The following ZNF516 variants were observed in gnomAD, a reference collection of about 807,000 sequenced individuals.
ZNF516 encodes zinc finger protein 516.
Under a neutral mutation model 79.7 loss-of-function variants are expected in ZNF516, and 19 were observed. The ratio of observed to expected loss-of-function variants is 0.24; its 90% CI spans 0.17 to 0.35. The LOEUF (loss-of-function observed/expected upper bound fraction) is 0.35. Ranked by LOEUF, ZNF516 falls within the 10% of genes least tolerant of loss-of-function variation. The pLI is 1.00. For missense variants in ZNF516, 1,678 were observed against 1,679.5 expected (o/e 1.00, Z 0.02); for synonymous variants, 877 against 739.5 (o/e 1.19, Z -3.02).
rs1304316649 is a variant in ZNF516 at position 76,494,531 on chromosome 18, C to G, written c.-272+613G>C. ...GTTAGGGTCACTTAGAAGCTCCCAG[C>G]AGACTGGCAAGCAGCCGGGGAGGGG... is the stretch of plus-strand genomic sequence containing the variant. On this transcript the variant is annotated intron_variant, in intron 1 of 6. Coordinates refer to ENST00000443185, the MANE Select transcript of ZNF516 (RefSeq NM_014643.4). Among the ~76,000 whole-genome samples, 7 of 150,060 alleles carry G rather than the reference C, an allele frequency of 4.7e-5. No individual in the cohort carries two copies. The South Asian group carries it at 8.5e-4, about 18-fold the overall frequency.
At chr18:76,437,239 A>G (rs567555721) in intron 3 of ZNF516, among the ~76,000 whole-genome samples, 1 of 152,214 alleles carries the variant, frequency 6.6e-6, no homozygotes, top group South Asian at 2.1e-4. Flanking sequence ...ACCAGCACGG[A>G]CAGCCAGCCA....
intron 1 of ZNF516, among the ~76,000 whole-genome samples, chr18:76,475,899 C>T (rs1467947807): frequency 6.6e-6 from 1 of 152,220 alleles, no homozygotes; most frequent in Non-Finnish European, 1.5e-5. Context: ...ATTCACCAAG[C>T]GAATGTATTT....
At chr18:76,400,972 T>A (rs685511) in intron 3 of ZNF516, among the ~76,000 whole-genome samples, 151,490 of 152,180 alleles carry the variant, frequency 1, 75,405 homozygotes, top group Middle Eastern at 1. Flanking sequence ...GTAAACACAA[T>A]ATATATATAT....
At chr18:76,430,412 C>T (rs1204159250) in intron 3 of ZNF516, among the ~76,000 whole-genome samples, 2 of 152,186 alleles carry the variant, frequency 1.3e-5, no homozygotes, top group Non-Finnish European at 2.9e-5. Context: ...ACTAGTCAGA[C>T]TGGAAACCTG....
chr18:76,432,042 G>A (rs779529310), intron 3 of ZNF516, among the ~76,000 whole-genome samples: 4 of 152,360 alleles, frequency 2.6e-5, no homozygotes, highest in East Asian at 1.9e-4. Context: ...CAAAGTTCCC[G>A]TGGATGAGAC....
intron 3 of ZNF516, among the ~76,000 whole-genome samples, chr18:76,425,032 C>A (rs567572967): frequency 4.0e-5 from 6 of 151,248 alleles, no homozygotes; most frequent in South Asian, 2.1e-4. Flanking sequence ...AAGGTTCCCC[C>A]GAAACACACA....
At position 76,459,111 on chromosome 18, in the gene ZNF516, A is replaced by G. The variant is rs1487686574; in HGVS notation, c.-158+3917T>C. On this transcript the variant is annotated intron_variant, in intron 2 of 6. Transcript: ENST00000443185. The surrounding 1 kb of genome is among the most constrained non-coding windows in gnomAD (Gnocchi z 5.0). Reference sequence around the variant, plus strand: ...GCATGTCCACTTCCAACAATCTACCAGCAACACTCGTGCCCATGTGCCTGG... The same window carrying G: ...GCATGTCCACTTCCAACAATCTACCGGCAACACTCGTGCCCATGTGCCTGG... 6.6e-6 allele frequency among the ~76,000 whole-genome samples: 1 copy of G among 152,214 alleles called. No homozygotes were observed. Among genetic ancestry groups the G allele is most frequent in the Non-Finnish European group, 1.5e-5 (1 of 68,020 alleles).
At chr18:76,406,980 GTGCGTCTC>G (rs1442682960) in intron 3 of ZNF516, among the ~76,000 whole-genome samples, 1 of 152,202 alleles carries the variant, frequency 6.6e-6, no homozygotes, top group East Asian at 1.9e-4. Flanking sequence ...GGGGCACACA[GTGCGTCTC>G]CGTCCACTGT....
At chr18:76,448,098 G>C (rs374014949) in intron 2 of ZNF516, among the ~76,000 whole-genome samples, 5 of 152,184 alleles carry the variant, frequency 3.3e-5, no homozygotes, top group African/African-American at 1.2e-4. Context: ...TTGTAACGGA[G>C]AAGGGGAGAG....
intron 1 of ZNF516, among the ~76,000 whole-genome samples, chr18:76,485,180 G>A (rs953933846): frequency 6.6e-5 from 10 of 152,128 alleles, no homozygotes; most frequent in Non-Finnish European, 1.0e-4. Flanking sequence ...ACACAATAAC[G>A]TTAATTTAAA....
intron 1 of ZNF516, among the ~76,000 whole-genome samples, chr18:76,480,464 T>C (rs1914443843): frequency 6.6e-6 from 1 of 150,874 alleles, no homozygotes; most frequent in African/African-American, 2.4e-5. Flanking sequence ...GGCTGGTTTT[T>C]ACATATATAT....
At position 76,379,039 on chromosome 18, in the gene ZNF516, G is replaced by T; in HGVS notation, c.3075C>A (p.Ala1025=). ...TCAAGSRGDA[A]LQAQPGVAGA... ...CAGCCACGCCGGGCTGGGCCTGCAAGGCCGCGTCGCCCCTGGACCCCGCAG... is the reference window on the plus strand; with the variant it reads ...CAGCCACGCCGGGCTGGGCCTGCAATGCCGCGTCGCCCCTGGACCCCGCAG... The change falls in exon 4 of 7, where the codon GCC becomes GCA. Residue 1025 remains alanine (A), a synonymous_variant. Transcript: ENST00000443185. 1 of 1,611,048 alleles carries T rather than the reference G, an allele frequency of 6.2e-7. No homozygotes were observed. Among genetic ancestry groups the T allele is most frequent in the Non-Finnish European group, 8.5e-7 (1 of 1,179,432 alleles).
intron 2 of ZNF516, among the ~76,000 whole-genome samples, chr18:76,446,541 A>G (rs1248326508): frequency 6.6e-6 from 1 of 152,126 alleles, no homozygotes; most frequent in African/African-American, 2.4e-5. Flanking sequence ...GACCCATCCA[A>G]TCCTTGCACA....
At chr18:76,433,870 G>T (rs1488001006) in intron 3 of ZNF516, among the ~76,000 whole-genome samples, 1 of 152,190 alleles carries the variant, frequency 6.6e-6, no homozygotes, top group African/African-American at 2.4e-5. Flanking sequence ...AAGCTCAGCA[G>T]CAAGGCATCA....
Position 76,467,603 on chromosome 18 carries a change from C to T in ZNF516, c.-271-4462G>A, listed in dbSNP as rs1225173285. Among the ~76,000 whole-genome samples the T allele has an allele frequency of 1.3e-5, 2 of 152,138 alleles. No individual in the cohort carries two copies. The highest frequency in any genetic ancestry group is 2.9e-5 in the Non-Finnish European group (2 of 68,010). ...AGGCTGGTGGTGGGGAGGTCCAAAC[C>T]AGAGGGGAGTCCCTGCTGCTCCTTC... On this transcript the variant is annotated intron_variant, in intron 1 of 6. Transcript: ENST00000443185. This position sits in a 1 kb window ranked among gnomAD's most constrained non-coding sequence, Gnocchi z 4.2.
chr18:76,430,334 CGTA>C (rs1471191445), intron 3 of ZNF516, among the ~76,000 whole-genome samples: 13 of 152,134 alleles, frequency 8.5e-5, no homozygotes, highest in Non-Finnish European at 8.8e-5. Flanking sequence ...TCATGAGTCA[CGTA>C]GTAATCAATT....
chr18:76,441,453 T>A lies in ZNF516; in HGVS notation c.1602A>T (p.Ser534=). 2 of 1,606,110 alleles carry A rather than the reference T, an allele frequency of 1.2e-6. No homozygotes were observed. The highest frequency in any genetic ancestry group is 1.3e-5 in the African/African-American group (1 of 74,874). ...FRTYHQMVLH[S]RVHRRARRER... ...CGCGGCGCGCGCGGCGATGCACGCG[T>A]GAGTGCAGCACCATCTGATGATAGG... The change falls in exon 3 of 7, where the codon TCA becomes TCT. Residue 534 remains serine, a synonymous_variant. Transcript: ENST00000443185.
At chr18:76,421,825 G>C (rs1025339305) in intron 3 of ZNF516, among the ~76,000 whole-genome samples, 19 of 152,192 alleles carry the variant, frequency 1.2e-4, no homozygotes, top group Non-Finnish European at 2.1e-4. Flanking sequence ...TCAAAGCAAA[G>C]ACAAGTTTCT....
intron 3 of ZNF516, among the ~76,000 whole-genome samples, chr18:76,398,262 A>G (rs932897004): frequency 1.3e-5 from 2 of 152,260 alleles, no homozygotes; most frequent in African/African-American, 4.8e-5. Flanking sequence ...AGATCCTAAC[A>G]GCCAACCAAA....
Sources: gnomAD v4.1 joint callset for allele counts (sites outside exome capture counted in the v4.1 genomes callset) on GRCh38, gnomAD v4.1.1 for gene constraint, Gnocchi (gnomAD v3.1) non-coding constraint, MANE v1.5 for transcripts, NCBI Gene and HGNC (gene_info 2026-07-23, HGNC 2026-07-21) for gene names.